Variants in ZNF780B observed in about 807,000 individuals in gnomAD.
ZNF780B encodes the protein zinc finger protein 780B.
In ZNF780B, 52 loss-of-function variants were observed where a neutral mutation model predicts 74.1. The observed-to-expected ratio is 0.70, with a 90% CI of 0.56 to 0.88. The LOEUF (loss-of-function observed/expected upper bound fraction) is 0.88, where lower values mean the gene tolerates loss of function less well. Ranked by LOEUF, ZNF780B falls within the 40% of genes least tolerant of loss-of-function variation. ZNF780B has a pLI of 0.00. For synonymous variants in ZNF780B, 315 were observed against 324.3 expected, an observed-to-expected ratio of 0.97 and a Z score of 0.31; for missense variants, 953 against 1,007.6, an observed-to-expected ratio of 0.95 and a Z score of 0.73.
In ZNF780B at chr19:40,034,411, C is replaced by A. The variant is rs778971638; in HGVS notation, c.2448G>T (p.Gln816His). The A allele has an allele frequency of 1.1e-5, 17 of 1,613,776 alleles. No individual in the cohort carries two copies. The South Asian group carries it at 1.9e-4, about 18-fold the overall frequency. Residue 816 changes from glutamine (Q) to histidine (H), a missense_variant, in exon 5 of 5, where the codon CAG becomes CAT. Transcript: ENST00000434248. ...RNPLNVRNVG[Q>H]PSDISSNLLN... ...GTAAGTTGCTACTGATGTCTGAAGG[C>A]TGTCCCACATTTCTTACATTCAAAG...
chr19:40,051,212 TCACA>T lies in ZNF780B; in HGVS notation c.-45-839_-45-836del, dbSNP rs571128446. ...TTTAACTTAGAATATATAATTATAT[TCACA>T]CACACACACACACACACATATATAC... On this transcript the variant is annotated intron_variant, in intron 1 of 4. Transcript: ENST00000434248. 1.8e-4 allele frequency among the ~76,000 whole-genome samples: 26 copies of T among 146,978 alleles called. No individual in the cohort carries two copies. In the East Asian group the frequency reaches 2.0e-3, roughly 11 times the overall value.
At chr19:40,051,249 T>A (rs1189545314) in intron 1 of ZNF780B, among the ~76,000 whole-genome samples, 1 of 151,896 alleles carries the variant, frequency 6.6e-6, no homozygotes, top group Non-Finnish European at 1.5e-5. Context: ...TACACACATA[T>A]ACACATGTGT....
intron 1 of ZNF780B, among the ~76,000 whole-genome samples, chr19:40,054,111 C>T (rs1476625906): frequency 6.6e-6 from 1 of 152,152 alleles, no homozygotes; most frequent in Non-Finnish European, 1.5e-5. Flanking sequence ...CGAGATCACG[C>T]CACTGCACTC....
rs1971964551 is a variant in ZNF780B, at chr19:40,030,266, T to G, written c.*4091A>C. 6.5e-6 allele frequency: 1 copy of G among 152,938 alleles called. No individual in the cohort carries two copies. The highest frequency in any genetic ancestry group is 1.5e-5 in the Non-Finnish European group (1 of 68,652). 9.5% of individuals were successfully genotyped at this position (152,938 alleles called of 1,614,324 possible). A position where few individuals can be genotyped will look rare whatever the true frequency, so the allele number is the denominator to read the frequency against. On this transcript the variant is annotated 3_prime_UTR_variant, in exon 5 of 5. Transcript: ENST00000434248. ...ATGGCAGATGAAAGGGGGCAGTGTA[T>G]GCAGACATCACATGGCAAGAGAGGA...
At chr19:40,039,896 C>G (rs1050272240) in intron 4 of ZNF780B, among the ~76,000 whole-genome samples, 8 of 151,718 alleles carry the variant, frequency 5.3e-5, no homozygotes, top group Admixed American at 6.6e-5. Flanking sequence ...ATTGAATACC[C>G]TTTATTTCCT....
intron 4 of ZNF780B, among the ~76,000 whole-genome samples, chr19:40,038,265 T>C (rs1385032990): frequency 6.6e-6 from 1 of 151,796 alleles, no homozygotes; most frequent in Non-Finnish European, 1.5e-5. Context: ...TATGGCTGCA[T>C]AGTATTCCAT....
chr19:40,054,046 G>A (rs1024070469), intron 1 of ZNF780B, among the ~76,000 whole-genome samples: 2 of 152,170 alleles, frequency 1.3e-5, no homozygotes, highest in African/African-American at 2.4e-5. Flanking sequence ...CCAGCTACTC[G>A]GAAGGCTGGG....
chr19:40,040,358 C>T lies in ZNF780B; in HGVS notation c.233-3732G>A, dbSNP rs181649582. ...TGCATCAATGTTCATGAAGGATATT[C>T]GTCTAAAATTCTCTTTTTTCGTTGT... On this transcript the variant is annotated intron_variant, in intron 4 of 4. Coordinates refer to ENST00000434248, the MANE Select transcript of ZNF780B (RefSeq NM_001005851.3). Among the ~76,000 whole-genome samples the T allele has an allele frequency of 3.0e-3, 455 of 151,960 alleles. 1 individual carries two copies. Among genetic ancestry groups the T allele is most frequent in the African/African-American group, 8.9e-3 (368 of 41,476 alleles).
intron 4 of ZNF780B, among the ~76,000 whole-genome samples, chr19:40,040,583 T>C (rs888186632): frequency 6.6e-6 from 1 of 152,228 alleles, no homozygotes; most frequent in Non-Finnish European, 1.5e-5. Context: ...TGCCACAATT[T>C]CAGAGCCTGT....
rs573373350 is a variant in ZNF780B, at chr19:40,033,014, G to A, written c.*1343C>T. 6.6e-6 allele frequency: 1 copy of A among 152,446 alleles called. No individual in the cohort carries two copies. Among genetic ancestry groups the A allele is most frequent in the South Asian group, 2.1e-4 (1 of 4,832 alleles). 9.4% of individuals were successfully genotyped at this position (152,446 alleles called of 1,614,324 possible). A position where few individuals can be genotyped will look rare whatever the true frequency, so the allele number is the denominator to read the frequency against. ...CAAATTGTTAACAATTTTGAATCTA[G>A]GTGGGGGGGATATGTGTATATATTT... On this transcript the variant is annotated 3_prime_UTR_variant, in exon 5 of 5. Transcript: ENST00000434248.
chr19:40,043,953 G>A (rs383975), intron 4 of ZNF780B, among the ~76,000 whole-genome samples: 15,092 of 152,120 alleles, frequency 0.099, 2,112 homozygotes, highest in African/African-American at 0.31. Flanking sequence ...AGATGAACCC[G>A]GTACCTCAGA....
chr19:40,039,887 T>C (rs932765712), intron 4 of ZNF780B, among the ~76,000 whole-genome samples: 1 of 151,906 alleles, frequency 6.6e-6, no homozygotes, highest in African/African-American at 2.4e-5. Context: ...CTTTTCCTAA[T>C]TGAATACCCT....
At chr19:40,042,592 T>C (rs973414827) in intron 4 of ZNF780B, among the ~76,000 whole-genome samples, 2 of 152,346 alleles carry the variant, frequency 1.3e-5, no homozygotes, top group African/African-American at 4.8e-5. Flanking sequence ...TTGGAGGCTT[T>C]GTTCATTTCT....
intron 2 of ZNF780B, 102 bp downstream of exon 2, chr19:40,050,222 A>G (rs1402939540): frequency 8.2e-6 from 9 of 1,103,228 alleles, no homozygotes; most frequent in Non-Finnish European, 1.1e-5. Flanking sequence ...AAAAAAAAAA[A>G]ATCGTGGATC....
rs773482786 is a variant in ZNF780B, at chr19:40,036,514, G to C, written c.345C>G (p.Ala115=). ...ATTCTGAGTCATTTCTAAAATAAAAGGCCTCGAGGCCAAGTGTTTTACTTA... is the reference window on the plus strand; with the variant it reads ...ATTCTGAGTCATTTCTAAAATAAAACGCCTCGAGGCCAAGTGTTTTACTTA... ...KQISKTLGLE[A]FYFRNDSEYR... is the part of the protein sequence containing the mutation. The change falls in exon 5 of 5, where the codon GCC becomes GCG. Residue 115 remains alanine, a synonymous_variant. Coordinates refer to ENST00000434248, the MANE Select transcript of ZNF780B (RefSeq NM_001005851.3). 3.7e-6 allele frequency: 6 copies of C among 1,606,304 alleles called. No homozygotes were observed. The highest frequency in any genetic ancestry group is 5.1e-6 in the Non-Finnish European group (6 of 1,177,006).
chr19:40,035,604 A>T lies in ZNF780B; in HGVS notation c.1255T>A (p.Cys419Ser). 1 of 1,613,674 alleles carries T rather than the reference A, an allele frequency of 6.2e-7. No homozygotes were observed. Among genetic ancestry groups the T allele is most frequent in the Non-Finnish European group, 8.5e-7 (1 of 1,179,942 alleles). The part of the protein sequence containing the change: ...SIHADVKPYE[C>S]KECGKGFNRG... The stretch of plus-strand genomic sequence containing the variant: ...TTAAAGCCTTTCCCACACTCCTTAC[A>T]TTCATATGGTTTTACATCAGCATGA... Residue 419 changes from cysteine to serine, a missense_variant, in exon 5 of 5, where the codon TGT (cysteine) becomes AGT (serine). By Grantham distance (112) the Cys-to-Ser change is moderately radical. Coordinates refer to ENST00000434248, the MANE Select transcript of ZNF780B (RefSeq NM_001005851.3).
At chr19:40,051,776 C>A (rs564931725) in intron 1 of ZNF780B, among the ~76,000 whole-genome samples, 35 of 152,280 alleles carry the variant, frequency 2.3e-4, no homozygotes, top group African/African-American at 8.4e-4. Context: ...GAACACAATG[C>A]AGATAAGTGG....
At chr19:40,050,070 G>A (rs938178832) in intron 2 of ZNF780B, among the ~76,000 whole-genome samples, 2 of 151,834 alleles carry the variant, frequency 1.3e-5, no homozygotes, top group Non-Finnish European at 2.9e-5. Context: ...GCTGGTGGGT[G>A]CCTGTAGTCC....
chr19:40,047,832 T>C (rs920278592), intron 3 of ZNF780B, among the ~76,000 whole-genome samples: 1 of 152,192 alleles, frequency 6.6e-6, no homozygotes, highest in African/African-American at 2.4e-5. Context: ...AGAAATATAA[T>C]AATGCCTGTT....
Sources: allele counts gnomAD v4.1 joint callset (sites outside exome capture counted in the v4.1 genomes callset), GRCh38; gene constraint gnomAD v4.1.1; transcripts MANE v1.5; gene names NCBI Gene and HGNC (gene_info 2026-07-23, HGNC 2026-07-21).